NWD2: variants seen among roughly 807,000 people sequenced by gnomAD.
The protein encoded by NWD2 is NACHT and WD repeat domain-containing protein 2.
A neutral mutation model predicts 132.7 loss-of-function variants in NWD2; 37 were observed. That is an observed-to-expected ratio of 0.28 (90% CI 0.21 to 0.37). The LOEUF (loss-of-function observed/expected upper bound fraction) is 0.37. NWD2 is among the 10% of genes least tolerant of loss of function. The probability of loss-of-function intolerance (pLI) is 1.00; values close to 1 mark genes in which losing one functional copy is unlikely to be tolerated. For synonymous variants in NWD2, 705 were observed against 803.0 expected (o/e 0.88, Z 2.06); for missense variants, 1,592 against 2,122.4 (o/e 0.75, Z 4.91).
In NWD2 at chr4:37,325,955, G is replaced by A. The variant is rs780113429; in HGVS notation, c.171G>A (p.Gln57=). Residue 57 remains glutamine (Q), a synonymous_variant, in exon 2 of 7, where the codon CAG becomes CAA. Coordinates refer to ENST00000309447, the MANE Select transcript of NWD2 (RefSeq NM_001144990.2). The stretch of plus-strand genomic sequence containing the variant: ...CTACAGATACGGGAGCAGAAAGACA[G>A]GCGCTAAGAGAAAATGTATATCCTA... ...ANPEDTGAER[Q]ALRENVYPKL... The A allele has an allele frequency of 3.1e-5, 48 of 1,547,602 alleles. No homozygotes were observed. Among genetic ancestry groups the A allele is most frequent in the Non-Finnish European group, 3.8e-5 (44 of 1,143,770 alleles).
chr4:37,379,117 A>G (rs1014756642), intron 3 of NWD2, among the ~76,000 whole-genome samples: 3 of 152,204 alleles, frequency 2.0e-5, no homozygotes, highest in African/African-American at 7.2e-5. Flanking sequence ...TGGTCTGGTA[A>G]TTCAGTGGAA....
chr4:37,285,664 A>G (rs1032869805), intron 1 of NWD2, among the ~76,000 whole-genome samples: 10 of 152,282 alleles, frequency 6.6e-5, no homozygotes, highest in African/African-American at 2.4e-4. Context: ...TGAGCTGGGT[A>G]ATACTTTCTA....
intron 1 of NWD2, among the ~76,000 whole-genome samples, chr4:37,283,532 C>T (rs2109269137): frequency 6.6e-6 from 1 of 152,222 alleles, no homozygotes; most frequent in African/African-American, 2.4e-5. Context: ...TCTGAACCTC[C>T]TGAACTTAGG....
At chr4:37,271,697 T>C (rs1272456369) in intron 1 of NWD2, among the ~76,000 whole-genome samples, 1 of 151,772 alleles carries the variant, frequency 6.6e-6, no homozygotes, top group Admixed American at 6.6e-5. Context: ...CCTTATTACA[T>C]CCACTTATTT....
intron 1 of NWD2, among the ~76,000 whole-genome samples, chr4:37,285,820 T>C (rs1177801517): frequency 3.9e-5 from 6 of 152,242 alleles, no homozygotes; most frequent in Non-Finnish European, 7.3e-5. Context: ...GAAAATTCTG[T>C]GGTTCTCATT....
intron 3 of NWD2, among the ~76,000 whole-genome samples, chr4:37,363,745 C>T (rs1191445987): frequency 6.6e-6 from 1 of 152,092 alleles, no homozygotes; most frequent in Non-Finnish European, 1.5e-5. Flanking sequence ...AGTCGTATCC[C>T]AAACCTCAGC....
intron 1 of NWD2, among the ~76,000 whole-genome samples, chr4:37,311,243 C>T (rs1329857804): frequency 1.3e-5 from 2 of 152,178 alleles, no homozygotes; most frequent in Non-Finnish European, 2.9e-5. Flanking sequence ...AGTTTACAGT[C>T]CCACCAACAG....
intron 3 of NWD2, among the ~76,000 whole-genome samples, chr4:37,385,823 A>T (rs186446950): frequency 1.1e-4 from 16 of 152,332 alleles, no homozygotes; most frequent in Non-Finnish European, 1.9e-4. Context: ...TTGGGGTATT[A>T]TTGATAATAA....
chr4:37,263,397 G>C (rs1410364584), intron 1 of NWD2, among the ~76,000 whole-genome samples: 2 of 152,152 alleles, frequency 1.3e-5, no homozygotes, highest in African/African-American at 4.8e-5. Flanking sequence ...CAAGCTTTCA[G>C]TATGTCAACA....
chr4:37,333,472 C>G (rs374728224), intron 2 of NWD2, among the ~76,000 whole-genome samples: 2 of 152,264 alleles, frequency 1.3e-5, no homozygotes, highest in South Asian at 4.1e-4. Context: ...TAGATCTTAT[C>G]CAAGACCACC....
intron 1 of NWD2, among the ~76,000 whole-genome samples, chr4:37,278,329 C>T (rs1718065816): frequency 6.6e-6 from 1 of 152,146 alleles, no homozygotes; most frequent in East Asian, 1.9e-4. Flanking sequence ...ACAATTGGCA[C>T]TTACTACTTG....
At chr4:37,346,709 CA>C (rs1358891387) in intron 2 of NWD2, among the ~76,000 whole-genome samples, 9 of 152,010 alleles carry the variant, frequency 5.9e-5, no homozygotes, top group Non-Finnish European at 7.4e-5. Flanking sequence ...CTGTAGTTTT[CA>C]AAGTATAAAT....
At chr4:37,278,768 G>A (rs886771564) in intron 1 of NWD2, among the ~76,000 whole-genome samples, 23 of 152,048 alleles carry the variant, frequency 1.5e-4, no homozygotes, top group African/African-American at 5.1e-4. Flanking sequence ...TTCCCAAAAC[G>A]CATACACCTA....
At chr4:37,295,933 A>C (rs1594986) in intron 1 of NWD2, among the ~76,000 whole-genome samples, 69,124 of 151,996 alleles carry the variant, frequency 0.45, 16,106 homozygotes, top group Middle Eastern at 0.53. Context: ...ACTTACTAAA[A>C]TTTATTTGTA....
chr4:37,258,659 C>A (rs904602833), intron 1 of NWD2, among the ~76,000 whole-genome samples: 5 of 152,160 alleles, frequency 3.3e-5, no homozygotes, highest in Non-Finnish European at 7.3e-5. Context: ...GTGAGACAGT[C>A]TTGAGTGTCA....
intron 3 of NWD2, 68 bp from the exon 4 acceptor site, chr4:37,430,504 T>G: frequency 9.4e-7 from 1 of 1,059,306 alleles, no homozygotes. Context: ...TCAGTGACCA[T>G]GTGATGTGAA....
At chr4:37,275,587 A>G (rs199655824) in intron 1 of NWD2, among the ~76,000 whole-genome samples, 4 of 152,188 alleles carry the variant, frequency 2.6e-5, no homozygotes, top group Admixed American at 2.6e-4. Context: ...TTTAAAGTTC[A>G]TATGGAATCA....
chr4:37,339,321 C>A (rs943125929), intron 2 of NWD2, among the ~76,000 whole-genome samples: 1 of 152,238 alleles, frequency 6.6e-6, no homozygotes, highest in African/African-American at 2.4e-5. Context: ...ACCATTTCTG[C>A]TGCCTGGAAT....
chr4:37,328,799 C>T (rs911891338), intron 2 of NWD2, among the ~76,000 whole-genome samples: 3 of 152,208 alleles, frequency 2.0e-5, no homozygotes, highest in East Asian at 1.9e-4. Flanking sequence ...CTAAAGTAAC[C>T]ACCTCTCTTT....
Sources: gnomAD v4.1 joint callset for allele counts (sites outside exome capture counted in the v4.1 genomes callset) on GRCh38, gnomAD v4.1.1 for gene constraint, MANE v1.5 for transcripts, NCBI Gene and HGNC (gene_info 2026-07-23, HGNC 2026-07-21) for gene names.